The following ZNF791 variants were observed in gnomAD, a reference collection of about 807,000 sequenced individuals.
ZNF791 encodes zinc finger protein 791.
Under a neutral mutation model 11.5 loss-of-function variants are expected in ZNF791, and 4 were observed. The ratio of observed to expected loss-of-function variants is 0.35; its 90% CI spans 0.17 to 0.80. The LOEUF is 0.80. Among genes scored for constraint, ZNF791 ranks in the 30% least tolerant of loss-of-function variants. ZNF791 has a pLI of 0.53. For synonymous variants in ZNF791, 212 were observed against 228.1 expected, an observed-to-expected ratio of 0.93 and a Z score of 0.64; for missense variants, 559 against 699.4, an observed-to-expected ratio of 0.80 and a Z score of 2.26.
At chr19:12,624,999 G>A (rs1038998756) in intron 3 of ZNF791, among the ~76,000 whole-genome samples, 47 of 151,800 alleles carry the variant, frequency 3.1e-4, no homozygotes, top group Middle Eastern at 3.4e-3. Flanking sequence ...GCAGCGAGCC[G>A]AGATCGCGCC....
chr19:12,614,437 G>A (rs563806542), intron 1 of ZNF791, among the ~76,000 whole-genome samples: 153 of 151,730 alleles, frequency 1.0e-3, no homozygotes, highest in South Asian at 2.1e-4. Context: ...GGGTTTCACC[G>A]TGTTGACCAG....
intron 3 of ZNF791, among the ~76,000 whole-genome samples, 196 bp from the exon 4 acceptor site, chr19:12,627,525 C>CCGAGGTAGGAGAATTG (rs2023447098): frequency 6.6e-6 from 1 of 152,090 alleles, no homozygotes; most frequent in Non-Finnish European, 1.5e-5. Flanking sequence ...ACTTGGGAGG[C>CCGAGGTAGGAGAATTG]CGAGGTAGGA....
Position 12,611,094 on chromosome 19 carries a change from G to A in ZNF791, c.3+12G>A, listed in dbSNP as rs1400539974. 6.2e-7 allele frequency: 1 copy of A among 1,614,118 alleles called. No homozygotes were observed. Among genetic ancestry groups the A allele is most frequent in the South Asian group, 1.1e-5 (1 of 91,086 alleles). On this transcript the variant is annotated intron_variant, in intron 1 of 3. Coordinates refer to ENST00000343325, the MANE Select transcript of ZNF791 (RefSeq NM_153358.3). ...GAGGCCGGAAAATGGTGAGTGTGCA[G>A]GGCCGGACTAGTTGGAACCGGCCGT...
chr19:12,627,643 C>A, intron 3 of ZNF791, 78 bp from the exon 4 acceptor site: 1 of 1,314,680 alleles, frequency 7.6e-7, no homozygotes, highest in Non-Finnish European at 1.0e-6. Flanking sequence ...GAAAAAAGAA[C>A]TTTAGTTCTA....
At chr19:12,619,050 G>A (rs908336246) in intron 1 of ZNF791, among the ~76,000 whole-genome samples, 85 of 151,994 alleles carry the variant, frequency 5.6e-4, no homozygotes, top group African/African-American at 2.0e-3. Context: ...GTTTCACCAT[G>A]TTGGTCAGGA....
intron 1 of ZNF791, among the ~76,000 whole-genome samples, chr19:12,615,012 CTTTTTTTTTTT>C (rs1180146927): frequency 0.042 from 2,102 of 49,814 alleles, 40 homozygotes; most frequent in Non-Finnish European, 0.056. Context: ...CTATGTTCAA[CTTTTTTTTTTT>C]TTTTTTTTTT....
chr19:12,618,808 AGTGTGTGTGTGTGTGTGT>A (rs60468264), intron 1 of ZNF791, among the ~76,000 whole-genome samples: 24 of 143,724 alleles, frequency 1.7e-4, no homozygotes, highest in Admixed American at 2.8e-4. Context: ...TTTACCTCTC[AGTGTGTGTGTGTGTGTGT>A]GTGTGTGTGT....
At chr19:12,619,212 GT>G (rs1426792733) in intron 1 of ZNF791, among the ~76,000 whole-genome samples, 1 of 152,038 alleles carries the variant, frequency 6.6e-6, no homozygotes, top group Admixed American at 6.6e-5. Context: ...TGGTTGTGGT[GT>G]TTAGACTTTT....
rs1439735329 is a variant in ZNF791 at position 12,623,697 on chromosome 19, C to T, written c.4-3C>T. ...TATTCTCTACTTATATTGGATGTTT[C>T]AGGACTCAGTGGCTTTTGAGGATGT... On this transcript the variant is annotated splice_region_variant and splice_polypyrimidine_tract_variant and intron_variant, in intron 1 of 3. Transcript: ENST00000343325. 2 of 1,614,068 alleles carry T rather than the reference C, an allele frequency of 1.2e-6. No individual in the cohort carries two copies.
intron 1 of ZNF791, among the ~76,000 whole-genome samples, chr19:12,619,444 C>CTTTT (rs145492959): frequency 6.2e-5 from 6 of 97,484 alleles, no homozygotes; most frequent in East Asian, 2.7e-4. Context: ...CTAATGTTAT[C>CTTTT]TTTTTTTTTT....
chr19:12,619,890 A>C (rs2023310565), intron 1 of ZNF791, among the ~76,000 whole-genome samples: 1 of 148,594 alleles, frequency 6.7e-6, no homozygotes, highest in South Asian at 2.1e-4. Flanking sequence ...AAAAGGCTAT[A>C]TATGAAATCT....
rs539832507 is a variant in ZNF791 at position 12,624,236 on chromosome 19, T to C, written c.130+410T>C. Among the ~76,000 whole-genome samples, 16 of 144,344 alleles carry C rather than the reference T, an allele frequency of 1.1e-4. No homozygotes were observed. The East Asian group carries it at 3.4e-3, about 31-fold the overall frequency. The allele number at this position is 144,344 out of a possible 152,430, so 94.7% of individuals were successfully genotyped here. On this transcript the variant is annotated intron_variant, in intron 2 of 3. Coordinates refer to ENST00000343325, the MANE Select transcript of ZNF791 (RefSeq NM_153358.3). ...GGCGGGATCTTGGCTCACTGTAACCTCCGCCTCCTGGGTTCAAGCAATTCT... is the reference window on the plus strand; with the variant it reads ...GGCGGGATCTTGGCTCACTGTAACCCCCGCCTCCTGGGTTCAAGCAATTCT...
At chr19:12,622,349 TA>T (rs992212602) in intron 1 of ZNF791, among the ~76,000 whole-genome samples, 1 of 51,834 alleles carries the variant, frequency 1.9e-5, no homozygotes, top group Non-Finnish European at 4.0e-5. Context: ...GAATTATCAA[TA>T]AAAAAATAAA....
At chr19:12,623,085 A>G (rs1213521995) in intron 1 of ZNF791, among the ~76,000 whole-genome samples, 1 of 152,052 alleles carries the variant, frequency 6.6e-6, no homozygotes, top group Non-Finnish European at 1.5e-5. Flanking sequence ...TTAGAAAACA[A>G]CAAACAAACA....
chr19:12,630,148 A>T lies in ZNF791; in HGVS notation c.*888A>T, dbSNP rs2023485136. ...GCAGTCCAGCATGGGTGACAGTGAG[A>T]CTGTATCAAAAAAAAAAAAAAAAAA... On this transcript the variant is annotated 3_prime_UTR_variant, in exon 4 of 4. Transcript: ENST00000343325. The T allele has an allele frequency of 1.4e-5, 2 of 138,366 alleles. No individual in the cohort carries two copies. The highest frequency in any genetic ancestry group is 3.1e-5 in the Non-Finnish European group (2 of 64,264). The allele number at this position is 138,366 out of a possible 1,614,324, so 8.6% of individuals were successfully genotyped here.
At chr19:12,626,222 G>A (rs549902666) in intron 3 of ZNF791, among the ~76,000 whole-genome samples, 31 of 152,184 alleles carry the variant, frequency 2.0e-4, no homozygotes, top group African/African-American at 7.0e-4. Flanking sequence ...TCACTATGTT[G>A]GCCAGGATGG....
chr19:12,619,754 T>G (rs1022888046), intron 1 of ZNF791, among the ~76,000 whole-genome samples: 21 of 151,668 alleles, frequency 1.4e-4, no homozygotes, highest in African/African-American at 4.8e-4. Flanking sequence ...CGGCCACTAA[T>G]GTTATCTTAA....
At chr19:12,623,391 C>T (rs1271558141) in intron 1 of ZNF791, 5 of 316,726 alleles carry the variant, frequency 1.6e-5, no homozygotes, top group African/African-American at 9.0e-5. Flanking sequence ...GGTAGCAGAG[C>T]GAGACCATCT....
In ZNF791 at chr19:12,623,719, A is replaced by C; in HGVS notation, c.23A>C (p.Asp8Ala). 6.2e-7 allele frequency: 1 copy of C among 1,614,018 alleles called. No homozygotes were observed. Among genetic ancestry groups the C allele is most frequent in the Non-Finnish European group, 8.5e-7 (1 of 1,180,000 alleles). The change falls in exon 2 of 4, where the codon GAT (aspartate) becomes GCT (alanine). Residue 8 changes from aspartate to alanine, a missense_variant. Transcript: ENST00000343325. ...TTTCAGGACTCAGTGGCTTTTGAGG[A>C]TGTGTCTGTGAGCTTCAGCCAGGAG... MDSVAFE[D>A]VSVSFSQEEW...
Sources: gnomAD v4.1 joint callset for allele counts (sites outside exome capture counted in the v4.1 genomes callset) on GRCh38, gnomAD v4.1.1 for gene constraint, MANE v1.5 for transcripts, NCBI Gene and HGNC (gene_info 2026-07-23, HGNC 2026-07-21) for gene names.